The following FRMD5 variants were observed in gnomAD, a reference collection of about 807,000 sequenced individuals.
The protein encoded by FRMD5 is FERM domain-containing protein 5.
Under a neutral mutation model 69.0 loss-of-function variants are expected in FRMD5, and 20 were observed. The observed-to-expected ratio is 0.29, with a 90% confidence interval of 0.20 to 0.42. FRMD5 has a LOEUF of 0.42. FRMD5 is among the 10% of genes least tolerant of loss of function. The pLI, the probability that FRMD5 is intolerant of heterozygous loss-of-function variation, is 1.00. For synonymous variants in FRMD5, 271 were observed against 260.1 expected (o/e 1.04, Z -0.40); for missense variants, 595 against 708.6 (o/e 0.84, Z 1.82).
intron 1 of FRMD5, among the ~76,000 whole-genome samples, chr15:43,954,582 G>C (rs1016172716): frequency 1.3e-5 from 2 of 152,202 alleles, no homozygotes; most frequent in Non-Finnish European, 2.9e-5. Flanking sequence ...CGAGGGGAAA[G>C]GGGTTGACTC....
intron 1 of FRMD5, among the ~76,000 whole-genome samples, chr15:44,040,739 A>T (rs1595660135): frequency 6.6e-6 from 1 of 152,156 alleles, no homozygotes; most frequent in South Asian, 2.1e-4. Context: ...TATCCACACT[A>T]TGAAGAAACT....
chr15:43,999,375 AT>A (rs1883066272), intron 1 of FRMD5, among the ~76,000 whole-genome samples: 1 of 152,180 alleles, frequency 6.6e-6, no homozygotes, highest in Admixed American at 6.5e-5. Flanking sequence ...GCCTTTAATT[AT>A]AAGTGTGCAG....
At chr15:44,034,972 G>C (rs942727765) in intron 1 of FRMD5, among the ~76,000 whole-genome samples, 7 of 152,178 alleles carry the variant, frequency 4.6e-5, no homozygotes, top group African/African-American at 1.7e-4. Context: ...CCCTGAAACA[G>C]TGAATGTTCC....
chr15:44,042,829 T>C (rs1892260893), intron 1 of FRMD5, among the ~76,000 whole-genome samples: 1 of 152,226 alleles, frequency 6.6e-6, no homozygotes, highest in South Asian at 2.1e-4. Flanking sequence ...TAATACTGCA[T>C]GGGCAAAAAC....
At chr15:44,185,014 TATAGATG>T (rs1176728772) in intron 1 of FRMD5, among the ~76,000 whole-genome samples, 5 of 152,216 alleles carry the variant, frequency 3.3e-5, no homozygotes, top group African/African-American at 1.2e-4. Context: ...GAAAACAGTT[TATAGATG>T]TACAGTCTGT....
At chr15:44,170,028 T>C (rs2077773195) in intron 1 of FRMD5, among the ~76,000 whole-genome samples, 1 of 152,216 alleles carries the variant, frequency 6.6e-6, no homozygotes, top group Non-Finnish European at 1.5e-5. Flanking sequence ...TTTTAAATAT[T>C]ATTTTTTAAA....
At chr15:44,078,509 T>A (rs1425740884) in intron 1 of FRMD5, among the ~76,000 whole-genome samples, 2 of 152,116 alleles carry the variant, frequency 1.3e-5, no homozygotes, top group Non-Finnish European at 2.9e-5. Context: ...TGTCTCACAT[T>A]TCCTGATTTC....
intron 1 of FRMD5, among the ~76,000 whole-genome samples, chr15:44,078,402 A>T (rs1893859157): frequency 6.6e-6 from 1 of 152,124 alleles, no homozygotes; most frequent in Non-Finnish European, 1.5e-5. Context: ...AAAATACTTC[A>T]AAGACCACAA....
intron 1 of FRMD5, among the ~76,000 whole-genome samples, chr15:44,048,027 A>G (rs766316070): frequency 1.1e-4 from 17 of 151,962 alleles, no homozygotes; most frequent in Non-Finnish European, 2.2e-4. Context: ...TCATTAACAA[A>G]TTTTTGTGTG....
At chr15:44,145,591 T>C (rs1446973609) in intron 1 of FRMD5, among the ~76,000 whole-genome samples, 1 of 152,192 alleles carries the variant, frequency 6.6e-6, no homozygotes, top group African/African-American at 2.4e-5. Flanking sequence ...TCCGTTTTGG[T>C]GTAAAACTCA....
chr15:44,159,569 A>C (rs1298617452), intron 1 of FRMD5, among the ~76,000 whole-genome samples: 1 of 152,158 alleles, frequency 6.6e-6, no homozygotes, highest in Non-Finnish European at 1.5e-5. Context: ...GAACAAGAGG[A>C]GTTTAAGATG....
chr15:44,072,563 T>G (rs1893587113), intron 1 of FRMD5, among the ~76,000 whole-genome samples: 1 of 152,246 alleles, frequency 6.6e-6, no homozygotes, highest in African/African-American at 2.4e-5. Flanking sequence ...GAATTATTAC[T>G]GCTTACCTCC....
intron 1 of FRMD5, among the ~76,000 whole-genome samples, chr15:44,010,730 C>A (rs1890680268): frequency 6.6e-6 from 1 of 152,050 alleles, no homozygotes; most frequent in African/African-American, 2.4e-5. Flanking sequence ...ATATTCTTGA[C>A]AATGGAATGG....
In FRMD5 at chr15:44,031,409, A is replaced by G. The variant is rs1328780785; in HGVS notation, c.103-107100T>C. Reference sequence around the variant, plus strand: ...TATAAACAACAGAAATTTATTTCTCATAGTTCTGGAGGCTGAGAATCTAAG... The same window carrying G: ...TATAAACAACAGAAATTTATTTCTCGTAGTTCTGGAGGCTGAGAATCTAAG... On this transcript the variant is annotated intron_variant, in intron 1 of 13. Transcript: ENST00000417257. 2.0e-5 allele frequency among the ~76,000 whole-genome samples: 3 copies of G among 152,332 alleles called. No homozygotes were observed. In the East Asian group the frequency reaches 5.8e-4, roughly 29 times the overall value.
chr15:44,064,668 C>G (rs979987843), intron 1 of FRMD5, among the ~76,000 whole-genome samples: 1 of 152,130 alleles, frequency 6.6e-6, no homozygotes, highest in South Asian at 2.1e-4. Flanking sequence ...GTGAAAAAAT[C>G]CTACTGAAAT....
chr15:44,125,656 T>C (rs1595494131), intron 1 of FRMD5, among the ~76,000 whole-genome samples: 1 of 152,284 alleles, frequency 6.6e-6, no homozygotes, highest in South Asian at 2.1e-4. Context: ...TCAGACAAAA[T>C]AAAAACTCTT....
chr15:44,046,448 CCATACA>C (rs1256869161), intron 1 of FRMD5, among the ~76,000 whole-genome samples: 1 of 152,132 alleles, frequency 6.6e-6, no homozygotes, highest in Non-Finnish European at 1.5e-5. Flanking sequence ...ATTTCCATAC[CCATACA>C]CATTTTCATT....
chr15:44,118,067 G>A (rs1447958464), intron 1 of FRMD5, among the ~76,000 whole-genome samples: 1 of 142,992 alleles, frequency 7.0e-6, no homozygotes, highest in Non-Finnish European at 1.5e-5. Flanking sequence ...AAGCTTGCTA[G>A]GGGTAGTGAT....
chr15:43,969,208 A>T (rs924648411), intron 1 of FRMD5, among the ~76,000 whole-genome samples: 1 of 151,588 alleles, frequency 6.6e-6, no homozygotes, highest in Admixed American at 6.6e-5. Flanking sequence ...CAATCTCCTG[A>T]GTAGCTGGGA....
Sources: allele counts gnomAD v4.1 joint callset (sites outside exome capture counted in the v4.1 genomes callset), GRCh38; gene constraint gnomAD v4.1.1; transcripts MANE v1.5; gene names NCBI Gene and HGNC (gene_info 2026-07-23, HGNC 2026-07-21).